The following GNAO1 variants were observed in gnomAD, a reference collection of about 807,000 sequenced individuals.
The protein encoded by GNAO1 is G protein subunit alpha o1.
For synonymous variants in GNAO1, 164 were observed against 180.7 expected, an observed-to-expected ratio of 0.91 and a Z score of 0.74; for missense variants, 166 against 478.7, an observed-to-expected ratio of 0.35 and a Z score of 6.10.
intron 2 of GNAO1, among the ~76,000 whole-genome samples, chr16:56,275,405 C>T (rs1198358683): frequency 1.3e-5 from 2 of 152,170 alleles, no homozygotes; most frequent in African/African-American, 4.8e-5. Context: ...AAAAAGTAGG[C>T]AAACCCTTTT....
At chr16:56,318,046 A>G (rs1259052969) in intron 3 of GNAO1, among the ~76,000 whole-genome samples, 1 of 152,188 alleles carries the variant, frequency 6.6e-6, no homozygotes, top group South Asian at 2.1e-4. Flanking sequence ...ACAAATGTCT[A>G]ACGTGCGCCC....
At position 56,344,969 on chromosome 16, in the gene GNAO1, T is replaced by C. The variant is rs1357576935; in HGVS notation, c.724-6415T>C. 1.1e-5 allele frequency: 11 copies of C among 982,238 alleles called. No homozygotes were observed. In the African/African-American group the frequency reaches 1.9e-4, roughly 17 times the overall value. The allele number at this position is 982,238 out of a possible 1,614,324, so 60.8% of individuals were successfully genotyped here. On this transcript the variant is annotated intron_variant, in intron 6 of 8. Transcript: ENST00000262493. ...GCGAGTTTGTTCACAGCCGTTGGTG[T>C]CTTCCCAGCCCCTGGGGACAGAGGA...
Position 56,273,637 on chromosome 16 carries a change from G to A in GNAO1, c.162-2294G>A, listed in dbSNP as rs117490548. On this transcript the variant is annotated intron_variant, in intron 2 of 8. Coordinates refer to ENST00000262493, the MANE Select transcript of GNAO1 (RefSeq NM_020988.3). Reference sequence around the variant, plus strand: ...CTAGATTTTGTTGTTCTCATGTAAAGACTGTTGGACTTTATTCTCCAGGTA... The same window carrying A: ...CTAGATTTTGTTGTTCTCATGTAAAAACTGTTGGACTTTATTCTCCAGGTA... 7.0e-3 allele frequency among the ~76,000 whole-genome samples: 1,064 copies of A among 152,300 alleles called. 30 individuals carry two copies. Among genetic ancestry groups the A allele is most frequent in the Admixed American group, 0.05 (771 of 15,294 alleles).
At chr16:56,249,692 C>T (rs1393281187) in intron 2 of GNAO1, among the ~76,000 whole-genome samples, 1 of 152,196 alleles carries the variant, frequency 6.6e-6, no homozygotes, top group African/African-American at 2.4e-5. Context: ...ATGAAGCTAT[C>T]AGGGACCCAA....
At position 56,267,785 on chromosome 16, in the gene GNAO1, A is replaced by G. The variant is rs1195789194; in HGVS notation, c.162-8146A>G. Among the ~76,000 whole-genome samples, 4 of 152,194 alleles carry G rather than the reference A, an allele frequency of 2.6e-5. 1 individual carries two copies. The highest frequency in any genetic ancestry group is 2.9e-5 in the Non-Finnish European group (2 of 68,040). On this transcript the variant is annotated intron_variant, in intron 2 of 8. Transcript: ENST00000262493. ...GGCAGGGATTGTGTCTGTCGCTTTT[A>G]TCCCAGCCCATGATATGGTGGCTGG...
At chr16:56,285,044 T>C (rs1406497606) in intron 3 of GNAO1, among the ~76,000 whole-genome samples, 1 of 152,214 alleles carries the variant, frequency 6.6e-6, no homozygotes, top group Non-Finnish European at 1.5e-5. Context: ...TGGCCTGGCC[T>C]GCCTTCTCTT....
At chr16:56,328,898 C>T (rs1469313677) in intron 4 of GNAO1, 107 bp downstream of exon 4, 13 of 1,138,938 alleles carry the variant, frequency 1.1e-5, no homozygotes, top group African/African-American at 3.0e-5. Context: ...GCTGAGGTCA[C>T]GCCTGCCGGG....
At chr16:56,268,659 CAAAAGTGATTATTAAT>C in intron 2 of GNAO1, among the ~76,000 whole-genome samples, 1 of 152,276 alleles carries the variant, frequency 6.6e-6, no homozygotes, top group East Asian at 1.9e-4. Context: ...TGCCACCACC[CAAAAGTGATTATTAAT>C]ACATCTTGTT....
chr16:56,277,336 GC>G (rs1426573476), intron 3 of GNAO1, among the ~76,000 whole-genome samples: 1 of 152,218 alleles, frequency 6.6e-6, no homozygotes, highest in Non-Finnish European at 1.5e-5. Context: ...CGGAGCCAGG[GC>G]CTGTGGAAAG....
In GNAO1 at chr16:56,319,273, A is replaced by C. The variant is rs74871091; in HGVS notation, c.304-9358A>C. Among the ~76,000 whole-genome samples, 1,234 of 152,258 alleles carry C rather than the reference A, an allele frequency of 8.1e-3. 23 individuals carry two copies. Among genetic ancestry groups the C allele is most frequent in the African/African-American group, 0.028 (1,160 of 41,540 alleles). ...GTGTGAGTGGAGAATGAGGTCTTCT[A>C]TCCTTTTCGCTCAGGTTCTCTTGGT... On this transcript the variant is annotated intron_variant, in intron 3 of 8. Coordinates refer to ENST00000262493, the MANE Select transcript of GNAO1 (RefSeq NM_020988.3).
At chr16:56,299,088 C>T (rs1469087289) in intron 3 of GNAO1, among the ~76,000 whole-genome samples, 2 of 152,090 alleles carry the variant, frequency 1.3e-5, no homozygotes, top group East Asian at 1.9e-4. Flanking sequence ...ATCAGGAAAC[C>T]GAGGCTCAGA....
At chr16:56,212,008 C>T (rs1161574137) in intron 2 of GNAO1, among the ~76,000 whole-genome samples, 1 of 152,214 alleles carries the variant, frequency 6.6e-6, no homozygotes, top group African/African-American at 2.4e-5. Flanking sequence ...CTGCAAACTT[C>T]AGCCTGGATC....
rs977205423 is a variant in GNAO1 at position 56,286,731 on chromosome 16, G to A, written c.303+10659G>A. Among the ~76,000 whole-genome samples the A allele has an allele frequency of 1.2e-4, 16 of 128,700 alleles. No individual in the cohort carries two copies. The South Asian group carries it at 4.0e-3, about 32-fold the overall frequency. 84.4% of individuals were successfully genotyped at this position (128,700 alleles called of 152,430 possible). ...TGTGTGTGTGTGTGTGTGTGTGTGTGTATGTGTGTATCTGTCTGTCTGTCT... is the reference window on the plus strand; with the variant it reads ...TGTGTGTGTGTGTGTGTGTGTGTGTATATGTGTGTATCTGTCTGTCTGTCT... On this transcript the variant is annotated intron_variant, in intron 3 of 8. Coordinates refer to ENST00000262493, the MANE Select transcript of GNAO1 (RefSeq NM_020988.3).
intron 2 of GNAO1, among the ~76,000 whole-genome samples, chr16:56,231,319 T>G (rs1020074555): frequency 6.6e-6 from 1 of 152,194 alleles, no homozygotes; most frequent in Admixed American, 6.5e-5. Context: ...TCTCTGCCCA[T>G]ATGTCACCTC....
chr16:56,266,123 T>A (rs1279940831), intron 2 of GNAO1, among the ~76,000 whole-genome samples: 9 of 152,234 alleles, frequency 5.9e-5, no homozygotes, highest in Admixed American at 1.3e-4. Flanking sequence ...CTGTAATATT[T>A]GTTTACTTCT....
Position 56,213,298 on chromosome 16 carries a change from C to T in GNAO1, c.161+20682C>T, listed in dbSNP as rs551242722. ...TATCCATTGAGCTTCTACTCTGTAC[C>T]GAGCACCATCTTAAGTGTTGTAACT... On this transcript the variant is annotated intron_variant, in intron 2 of 8. Coordinates refer to ENST00000262493, the MANE Select transcript of GNAO1 (RefSeq NM_020988.3). 91 of 398,266 alleles carry T rather than the reference C, an allele frequency of 2.3e-4. No individual in the cohort carries two copies. The Middle Eastern group carries it at 3.1e-3, about 14-fold the overall frequency. 24.7% of individuals were successfully genotyped at this position (398,266 alleles called of 1,614,324 possible).
chr16:56,274,047 G>A (rs780326491), intron 2 of GNAO1, among the ~76,000 whole-genome samples: 2 of 152,114 alleles, frequency 1.3e-5, no homozygotes, highest in Non-Finnish European at 2.9e-5. Context: ...CCTCTGGTAC[G>A]CTGCCCTTCC....
intron 2 of GNAO1, among the ~76,000 whole-genome samples, chr16:56,205,338 G>A (rs2036317456): frequency 6.6e-6 from 1 of 152,224 alleles, no homozygotes. Flanking sequence ...AGCTGGCTGT[G>A]TGCAGGAGCT....
At chr16:56,272,012 G>A (rs913040079) in intron 2 of GNAO1, among the ~76,000 whole-genome samples, 5 of 152,044 alleles carry the variant, frequency 3.3e-5, no homozygotes, top group South Asian at 4.1e-4. Flanking sequence ...ATCAATGCTA[G>A]CAAGAAAAAA....
Sources: gnomAD v4.1 joint callset for allele counts (sites outside exome capture counted in the v4.1 genomes callset) on GRCh38, gnomAD v4.1.1 for gene constraint, MANE v1.5 for transcripts, NCBI Gene and HGNC (gene_info 2026-07-23, HGNC 2026-07-21) for gene names.